The following ACSS1 variants were observed in gnomAD, a reference collection of about 807,000 sequenced individuals.
ACSS1 encodes acetyl-coenzyme A synthetase 2-like, mitochondrial.
ACSS1 carries 42 observed loss-of-function variants against 75.3 expected under a neutral mutation model. The observed-to-expected ratio is 0.56, with a 90% CI of 0.44 to 0.72. The LOEUF is 0.72. Among genes scored for constraint, ACSS1 ranks in the 30% least tolerant of loss-of-function variants. ACSS1 has a pLI of 0.00. For missense variants in ACSS1, 782 were observed against 935.7 expected (o/e 0.84, Z 2.14); for synonymous variants, 380 against 376.8 (o/e 1.01, Z -0.10).
chr20:25,015,333 C>CAGAG, intron 7 of ACSS1, 103 bp from the exon 8 acceptor site: 14 of 936,080 alleles, frequency 1.5e-5, no homozygotes, highest in Non-Finnish European at 2.1e-5. Context: ...TTCTTTGAGA[C>CAGAG]TGAGTCTCAC....
intron 2 of ACSS1, among the ~76,000 whole-genome samples, chr20:25,037,000 G>GAAAT (rs1308369495): frequency 1.9e-4 from 15 of 77,044 alleles, no homozygotes; most frequent in Middle Eastern, 0.015. Context: ...AAAGAAAGAA[G>GAAAT]AAAGAAAGGA....
chr20:25,023,589 C>T lies in ACSS1; in HGVS notation c.684G>A (p.Val228=). 6.2e-7 allele frequency: 1 copy of T among 1,613,830 alleles called. No individual in the cohort carries two copies. The highest frequency in any genetic ancestry group is 8.5e-7 in the Non-Finnish European group (1 of 1,179,868). The stretch of plus-strand genomic sequence containing the variant: ...CATCCACTATTTTCTTCAGCTCCAC[C>T]ACGCGCCCACCCCGGAGTCCTTGGT... ...TFNQGLRGGR[V]VELKKIVDEA... is the part of the protein sequence containing the mutation. Residue 228 remains valine, a synonymous_variant, in exon 4 of 14, where the codon GTG becomes GTA. Transcript: ENST00000323482.
intron 3 of ACSS1, among the ~76,000 whole-genome samples, chr20:25,024,448 C>G (rs2088680473): frequency 6.6e-6 from 1 of 152,210 alleles, no homozygotes; most frequent in Admixed American, 6.5e-5. Flanking sequence ...TCAGGAAGAG[C>G]CTGGGACAAA....
chr20:25,047,182 TGGCAG>T lies in ACSS1; in HGVS notation c.431+898_431+902del, dbSNP rs1303727042. Among the ~76,000 whole-genome samples, 6 of 152,134 alleles carry T rather than the reference TGGCAG, an allele frequency of 3.9e-5. No homozygotes were observed. The East Asian group carries it at 9.7e-4, about 25-fold the overall frequency. ...CCCCTTCGCCCCCAGGTCACCCGAG[TGGCAG>T]GGCAGTGACCGCTGCTCTCAGGCTG... On this transcript the variant is annotated intron_variant, in intron 2 of 13. Transcript: ENST00000323482.
chr20:25,013,654 G>C lies in ACSS1; in HGVS notation c.1461C>G (p.Val487=). The C allele has an allele frequency of 6.2e-7, 1 of 1,600,434 alleles. No individual in the cohort carries two copies. The highest frequency in any genetic ancestry group is 8.5e-7 in the Non-Finnish European group (1 of 1,172,332). ...CCCCGGAGACGTTGCTGCCCTCCACGACGCTGCCCTGTAGACCCCGGACAT... is the reference window on the plus strand; with the variant it reads ...CCCCGGAGACGTTGCTGCCCTCCACCACGCTGCCCTGTAGACCCCGGACAT... ...VPVLMDEKGS[V]VEGSNVSGAL... Residue 487 remains valine (V), a synonymous_variant, in exon 10 of 14, where the codon GTC becomes GTG. Transcript: ENST00000323482.
chr20:25,015,122 C>A lies in ACSS1; in HGVS notation c.1339+16G>T, dbSNP rs903483899. ...CCCAGCACTTAGACCGGAACCTGTT[C>A]CCCAGGCCTCCTCACCTGTCTGCCA... On this transcript the variant is annotated intron_variant, in intron 8 of 13. Coordinates refer to ENST00000323482, the MANE Select transcript of ACSS1 (RefSeq NM_032501.4). The A allele has an allele frequency of 1.6e-5, 25 of 1,602,116 alleles. No individual in the cohort carries two copies. The highest frequency in any genetic ancestry group is 2.1e-5 in the Non-Finnish European group (25 of 1,171,588).
chr20:25,030,991 TGGA>T, intron 2 of ACSS1, 33 bp from the exon 3 acceptor site: 1 of 1,608,318 alleles, frequency 6.2e-7, no homozygotes, highest in South Asian at 1.1e-5. Flanking sequence ...CCATCAGAGA[TGGA>T]GGAGGGCCAA....
At chr20:25,030,446 A>C (rs1446747750) in intron 3 of ACSS1, among the ~76,000 whole-genome samples, 2 of 151,736 alleles carry the variant, frequency 1.3e-5, no homozygotes. Flanking sequence ...CCACCTCCAC[A>C]CTTCCCTCCT....
chr20:25,007,387 C>T lies in ACSS1; in HGVS notation c.*375G>A, dbSNP rs866798774. On this transcript the variant is annotated 3_prime_UTR_variant, in exon 14 of 14. Coordinates refer to ENST00000323482, the MANE Select transcript of ACSS1 (RefSeq NM_032501.4). ...TGTATCTAGACAGATCTGGAGAAAACACGGTTGCTACTAGCTAACTAGCTC... is the reference window on the plus strand; with the variant it reads ...TGTATCTAGACAGATCTGGAGAAAATACGGTTGCTACTAGCTAACTAGCTC... 1.4e-5 allele frequency: 15 copies of T among 1,100,602 alleles called. No homozygotes were observed. The African/African-American group carries it at 2.0e-4, about 14-fold the overall frequency. The allele number at this position is 1,100,602 out of a possible 1,614,324, so 68.2% of individuals were successfully genotyped here. A position where few individuals can be genotyped will look rare whatever the true frequency, so the allele number is the denominator to read the frequency against.
chr20:25,044,626 T>C (rs2089056886), intron 2 of ACSS1, among the ~76,000 whole-genome samples: 1 of 152,062 alleles, frequency 6.6e-6, no homozygotes, highest in Non-Finnish European at 1.5e-5. Context: ...AAATCAATAA[T>C]TAAAAATAAA....
At chr20:25,052,003 C>A (rs1033620449) in intron 1 of ACSS1, among the ~76,000 whole-genome samples, 1 of 152,178 alleles carries the variant, frequency 6.6e-6, no homozygotes, top group African/African-American at 2.4e-5. Flanking sequence ...TTCTGGCCAC[C>A]ATGGCTGGTG....
Position 25,013,548 on chromosome 20 carries a change from T to G in ACSS1, c.1567A>C (p.Lys523Gln), listed in dbSNP as rs2088455834. The change falls in exon 10 of 14, where the codon AAG becomes CAG. Residue 523 changes from lysine (K) to glutamine (Q), a missense_variant. Around this residue, in one of 2 missense-constraint regions of ACSS1, gnomAD observed 405 missense variants for 552.6 expected, o/e 0.73. Transcript: ENST00000323482. ...DHQRFVDAYF[K>Q]AYPGYYFTGD... is the part of the protein sequence containing the mutation. Reference sequence around the variant, plus strand: ...ACAGCCTGCTCACCTGGGTAGGCCTTGAAGTAGGCGTCCACAAATCGCTGG... The same window carrying G: ...ACAGCCTGCTCACCTGGGTAGGCCTGGAAGTAGGCGTCCACAAATCGCTGG... The G allele has an allele frequency of 6.3e-7, 1 of 1,599,942 alleles. No homozygotes were observed. Among genetic ancestry groups the G allele is most frequent in the South Asian group, 1.1e-5 (1 of 90,730 alleles).
At chr20:25,032,025 A>G (rs1292373346) in intron 2 of ACSS1, among the ~76,000 whole-genome samples, 2 of 152,178 alleles carry the variant, frequency 1.3e-5, no homozygotes, top group African/African-American at 2.4e-5. Flanking sequence ...AACTCCCTGC[A>G]GCCCCGAGAC....
At chr20:25,030,332 C>T (rs2088799705) in intron 3 of ACSS1, among the ~76,000 whole-genome samples, 2 of 152,226 alleles carry the variant, frequency 1.3e-5, no homozygotes, top group Non-Finnish European at 2.9e-5. Context: ...ACCCCCTTCA[C>T]CTGACTCCAG....
intron 2 of ACSS1, among the ~76,000 whole-genome samples, chr20:25,032,163 A>G (rs2088835812): frequency 1.3e-5 from 2 of 152,130 alleles, no homozygotes; most frequent in Non-Finnish European, 2.9e-5. Context: ...GTCGTCCACC[A>G]CGTTGCCTAT....
At chr20:25,039,792 C>T (rs2088972394) in intron 2 of ACSS1, among the ~76,000 whole-genome samples, 1 of 152,258 alleles carries the variant, frequency 6.6e-6, no homozygotes, top group Non-Finnish European at 1.5e-5. Context: ...CTGTTAACGC[C>T]TGGTTTTCCC....
chr20:25,042,624 T>C (rs1385160844), intron 2 of ACSS1, among the ~76,000 whole-genome samples: 1 of 151,744 alleles, frequency 6.6e-6, no homozygotes, highest in Non-Finnish European at 1.5e-5. Context: ...ACTTGGGAGG[T>C]GAGCAGAAGA....
At chr20:25,032,416 TCTTTC>T in intron 2 of ACSS1, 4 of 1,401,072 alleles carry the variant, frequency 2.9e-6, no homozygotes, top group South Asian at 1.6e-5. Flanking sequence ...CCCAAGGTTG[TCTTTC>T]CTTTCGGCGC....
intron 7 of ACSS1, among the ~76,000 whole-genome samples, chr20:25,017,368 A>C (rs1378102608): frequency 2.0e-5 from 3 of 152,204 alleles, no homozygotes; most frequent in Non-Finnish European, 4.4e-5. Context: ...TGGGCTGTGG[A>C]ATTGCACCGA....
Sources: allele counts gnomAD v4.1 joint callset (sites outside exome capture counted in the v4.1 genomes callset), GRCh38; gene constraint gnomAD v4.1.1; regional missense constraint gnomAD v4.1.1; transcripts MANE v1.5; gene names NCBI Gene and HGNC (gene_info 2026-07-23, HGNC 2026-07-21).